MLKL: variants seen among roughly 807,000 people sequenced by gnomAD.
The protein encoded by MLKL is mixed lineage kinase domain-like protein.
MLKL carries 55 observed loss-of-function variants against 56.5 expected under a neutral mutation model. That is an observed-to-expected ratio of 0.97 (90% CI 0.78 to 1.22). The LOEUF is 1.22. Among genes scored for constraint, MLKL ranks in the 50% most tolerant of loss-of-function variants. MLKL has a pLI of 0.00. For synonymous variants in MLKL, 251 were observed against 208.3 expected, an observed-to-expected ratio of 1.20 and a Z score of -1.76; for missense variants, 694 against 573.9, an observed-to-expected ratio of 1.21 and a Z score of -2.14.
intron 5 of MLKL, among the ~76,000 whole-genome samples, chr16:74,684,601 T>G (rs994468928): frequency 6.6e-6 from 1 of 151,440 alleles, no homozygotes; most frequent in African/African-American, 2.4e-5. Flanking sequence ...TTCAAGCAAT[T>G]CTCCTGCCTC....
intron 4 of MLKL, among the ~76,000 whole-genome samples, chr16:74,687,077 G>A (rs1004965828): frequency 1.3e-5 from 2 of 152,104 alleles, no homozygotes; most frequent in African/African-American, 2.4e-5. Context: ...CTGGGTTCAA[G>A]CAATTCTCCT....
intron 2 of MLKL, among the ~76,000 whole-genome samples, chr16:74,694,822 C>G (rs1960922809): frequency 6.6e-6 from 1 of 152,032 alleles, no homozygotes; most frequent in Non-Finnish European, 1.5e-5. Flanking sequence ...TTCACCAGCC[C>G]CCACCATATA....
chr16:74,692,148 A>C (rs1960715653), intron 3 of MLKL, among the ~76,000 whole-genome samples, 194 bp downstream of exon 3: 1 of 152,240 alleles, frequency 6.6e-6, no homozygotes, highest in African/African-American at 2.4e-5. Flanking sequence ...CTGGTCAAGA[A>C]GCTCTCTCCA....
At position 74,675,268 on chromosome 16, in the gene MLKL, C is replaced by T. The variant is rs1468165239; in HGVS notation, c.1240+87G>A. 3.8e-6 allele frequency: 6 copies of T among 1,590,824 alleles called. No homozygotes were observed. The African/African-American group carries it at 8.1e-5, about 22-fold the overall frequency. ...AGTTCCCACATTAAACAACAAATTG[C>T]CAGGGGCAGCACTGATGGGGAATTT... is the stretch of plus-strand genomic sequence containing the variant. On this transcript the variant is annotated intron_variant, in intron 9 of 10. Coordinates refer to ENST00000308807, the MANE Select transcript of MLKL (RefSeq NM_152649.4).
intron 5 of MLKL, among the ~76,000 whole-genome samples, chr16:74,683,653 G>C (rs547253787): frequency 6.6e-6 from 1 of 151,020 alleles, no homozygotes; most frequent in African/African-American, 2.4e-5. Context: ...TCCCTTTCTT[G>C]GTATAATTCA....
rs753313991 is a variant in MLKL, at chr16:74,691,285, G to C, written c.714C>G (p.Gly238=). ...CACACAAAACAACTTACGCAATGCTGCCAGCCTGGAGTTTTTTGAATACTT... is the reference window on the plus strand; with the variant it reads ...CACACAAAACAACTTACGCAATGCTCCCAGCCTGGAGTTTTTTGAATACTT... ...AIKVFKKLQA[G]SIAIVRQTFN... is the part of the protein sequence containing the mutation. Residue 238 remains glycine (G), a synonymous_variant, in exon 4 of 11, where the codon GGC becomes GGG. Coordinates refer to ENST00000308807, the MANE Select transcript of MLKL (RefSeq NM_152649.4). The C allele has an allele frequency of 5.2e-5, 83 of 1,610,350 alleles. No individual in the cohort carries two copies. The highest frequency in any genetic ancestry group is 1.7e-4 in the South Asian group (15 of 90,688).
chr16:74,676,616 G>T, intron 7 of MLKL: 1 of 326,448 alleles, frequency 3.1e-6, no homozygotes, highest in Non-Finnish European at 4.4e-6. Flanking sequence ...CGTGAGAGTA[G>T]TAGAAACAGT....
chr16:74,682,830 A>G, intron 5 of MLKL, 44 bp from the exon 6 acceptor site: 1 of 1,608,352 alleles, frequency 6.2e-7, no homozygotes, highest in Non-Finnish European at 8.5e-7. Flanking sequence ...GCCCTACTTG[A>G]AGCTTCCCAT....
chr16:74,684,479 G>T (rs1016179021), intron 5 of MLKL, among the ~76,000 whole-genome samples: 1 of 149,066 alleles, frequency 6.7e-6, no homozygotes, highest in East Asian at 2.0e-4. Context: ...TCTTGGTAGA[G>T]GGGTAAAGTA....
chr16:74,676,044 AG>A, intron 7 of MLKL: 1 of 381,718 alleles, frequency 2.6e-6, no homozygotes, highest in Non-Finnish European at 4.6e-6. Context: ...AGCACCAGTA[AG>A]ACCTGCTAAG....
chr16:74,672,892 G>C (rs989447332), intron 10 of MLKL, among the ~76,000 whole-genome samples: 2 of 152,188 alleles, frequency 1.3e-5, no homozygotes, highest in Non-Finnish European at 2.9e-5. Flanking sequence ...ATAAATCACT[G>C]TTGGCTTCTC....
At chr16:74,678,608 C>A (rs921544275) in intron 7 of MLKL, among the ~76,000 whole-genome samples, 1 of 152,152 alleles carries the variant, frequency 6.6e-6, no homozygotes. Context: ...CATGGTGAAA[C>A]CCTGTCTCTA....
At chr16:74,677,714 G>C (rs1407473287) in intron 7 of MLKL, 3 of 151,970 alleles carry the variant, frequency 2.0e-5, no homozygotes, top group Non-Finnish European at 2.9e-5. Context: ...TTTTGCTGTT[G>C]TTGCCCGGGC....
At chr16:74,674,615 C>T (rs1959465233) in intron 10 of MLKL, among the ~76,000 whole-genome samples, 1 of 151,846 alleles carries the variant, frequency 6.6e-6, no homozygotes. Flanking sequence ...CCATGGCTAG[C>T]TAATTTTAGT....
At chr16:74,674,435 G>C (rs989034405) in intron 10 of MLKL, among the ~76,000 whole-genome samples, 2 of 151,890 alleles carry the variant, frequency 1.3e-5, no homozygotes, top group African/African-American at 2.4e-5. Flanking sequence ...TTATAGGCAT[G>C]AGCCACCGCG....
intron 5 of MLKL, among the ~76,000 whole-genome samples, chr16:74,684,998 G>A (rs1960240145): frequency 6.6e-6 from 1 of 152,154 alleles, no homozygotes; most frequent in South Asian, 2.1e-4. Flanking sequence ...CCGAGTAGCT[G>A]GGACTACAGA....
chr16:74,682,171 C>T (rs569646431), intron 6 of MLKL, among the ~76,000 whole-genome samples: 18 of 152,222 alleles, frequency 1.2e-4, no homozygotes, highest in Admixed American at 9.2e-4. Flanking sequence ...AGGAGAATCC[C>T]TTCAGCTCGG....
chr16:74,684,719 C>T (rs1597494239), intron 5 of MLKL, among the ~76,000 whole-genome samples: 3 of 152,218 alleles, frequency 2.0e-5, no homozygotes, highest in Admixed American at 2.0e-4. Context: ...CGGTCTCAAG[C>T]TCCTGACCTT....
intron 4 of MLKL, among the ~76,000 whole-genome samples, chr16:74,686,032 T>C (rs1162863151): frequency 2.0e-5 from 3 of 151,436 alleles, no homozygotes; most frequent in African/African-American, 7.3e-5. Context: ...CGATCTTGGC[T>C]CACTGCAGCC....
Sources: gnomAD v4.1 joint callset for allele counts (sites outside exome capture counted in the v4.1 genomes callset) on GRCh38, gnomAD v4.1.1 for gene constraint, MANE v1.5 for transcripts, NCBI Gene and HGNC (gene_info 2026-07-23, HGNC 2026-07-21) for gene names.